Variants in EIF4H observed in about 807,000 individuals in gnomAD.
EIF4H encodes eukaryotic translation initiation factor 4H.
Under a neutral mutation model 30.6 loss-of-function variants are expected in EIF4H, and 8 were observed. That is an observed-to-expected ratio of 0.26 (90% CI 0.15 to 0.47). The LOEUF (loss-of-function observed/expected upper bound fraction) is 0.47. EIF4H is among the 20% of genes least tolerant of loss of function. The pLI, the probability that EIF4H is intolerant of heterozygous loss-of-function variation, is 0.99. For missense variants in EIF4H, 188 were observed against 339.5 expected, an observed-to-expected ratio of 0.55 and a Z score of 3.51; for synonymous variants, 106 against 122.7, an observed-to-expected ratio of 0.86 and a Z score of 0.90.
At chr7:74,187,016 A>G (rs1358850279) in intron 1 of EIF4H, among the ~76,000 whole-genome samples, 1 of 151,814 alleles carries the variant, frequency 6.6e-6, no homozygotes, top group Admixed American at 6.6e-5. Context: ...TAGACTGTCC[A>G]TTTCTGTATT....
rs1554709410 is a variant in EIF4H at position 74,187,837 on chromosome 7, T to C, written c.247+39T>C. 8 of 1,468,414 alleles carry C rather than the reference T, an allele frequency of 5.4e-6. No homozygotes were observed. The South Asian group carries it at 7.4e-5, about 14-fold the overall frequency. The allele number at this position is 1,468,414 out of a possible 1,614,324, so 91.0% of individuals were successfully genotyped here. The stretch of plus-strand genomic sequence containing the variant: ...ATTCTTATTGTATATTACTGTAAAG[T>C]GTAGGGGAGGATGGGAAGGGGTTCT... On this transcript the variant is annotated intron_variant, in intron 2 of 6. Transcript: ENST00000265753.
intron 1 of EIF4H, among the ~76,000 whole-genome samples, chr7:74,184,882 T>C (rs998019763): frequency 3.9e-5 from 6 of 152,144 alleles, no homozygotes; most frequent in African/African-American, 1.2e-4. Flanking sequence ...AGTTTTACCA[T>C]GTTGGCCAGG....
intron 1 of EIF4H, among the ~76,000 whole-genome samples, chr7:74,186,005 A>ATGG (rs1277082385): frequency 6.6e-6 from 1 of 152,188 alleles, no homozygotes; most frequent in Non-Finnish European, 1.5e-5. Context: ...GGTTGAAATA[A>ATGG]TGGTACAGTT....
intron 5 of EIF4H, among the ~76,000 whole-genome samples, chr7:74,190,859 G>A (rs1447016327): frequency 6.6e-6 from 1 of 152,146 alleles, no homozygotes; most frequent in Admixed American, 6.5e-5. Flanking sequence ...CCTGCAGGGT[G>A]ATTTTAAGCA....
intron 2 of EIF4H, among the ~76,000 whole-genome samples, chr7:74,188,128 T>C (rs1276328054): frequency 1.3e-5 from 2 of 152,210 alleles, no homozygotes; most frequent in African/African-American, 4.8e-5. Flanking sequence ...TTAGGCACAT[T>C]CCTCCTGGAA....
At chr7:74,191,191 A>G in intron 5 of EIF4H, 1 of 533,700 alleles carries the variant, frequency 1.9e-6, no homozygotes, top group South Asian at 1.4e-5. Flanking sequence ...AGTTCTTAAA[A>G]GTCCTGTAGC....
At chr7:74,190,167 G>A in intron 4 of EIF4H, 80 bp from the exon 5 acceptor site, 3 of 1,435,848 alleles carry the variant, frequency 2.1e-6, no homozygotes, top group South Asian at 1.2e-5. Context: ...TGAGTTGTAT[G>A]TCTTCCAAAT....
At position 74,194,725 on chromosome 7, in the gene EIF4H, C is replaced by A. The variant is rs782331767; in HGVS notation, c.470-16C>A. 6.4e-7 allele frequency: 1 copy of A among 1,561,006 alleles called. No individual in the cohort carries two copies. Among genetic ancestry groups the A allele is most frequent in the African/African-American group, 1.4e-5 (1 of 73,586 alleles). ...GATAGTTTGAAAAGTAATTCAGTGT[C>A]CTGTTTCTTCCTCAGGCTTCAGGGA... On this transcript the variant is annotated splice_polypyrimidine_tract_variant and intron_variant, in intron 5 of 6. Coordinates refer to ENST00000265753, the MANE Select transcript of EIF4H (RefSeq NM_022170.2).
intron 5 of EIF4H, among the ~76,000 whole-genome samples, chr7:74,193,458 ACTGCGGGCT>A (rs1554710258): frequency 1.3e-5 from 2 of 152,194 alleles, no homozygotes; most frequent in African/African-American, 2.4e-5. Context: ...TATAGTGCAT[ACTGCGGGCT>A]CTGGGGGTTC....
chr7:74,176,852 C>T (rs1554707750), intron 1 of EIF4H, among the ~76,000 whole-genome samples: 1 of 152,210 alleles, frequency 6.6e-6, no homozygotes, highest in African/African-American at 2.4e-5. Flanking sequence ...TGTACCAGAT[C>T]TTGAATGGAC....
Position 74,190,095 on chromosome 7 carries a change from G to A in EIF4H, c.410-152G>A, listed in dbSNP as rs373674262. On this transcript the variant is annotated intron_variant, in intron 4 of 6. Coordinates refer to ENST00000265753, the MANE Select transcript of EIF4H (RefSeq NM_022170.2). ...TGGCTGATGCTTCTGCAAGCCTGGC[G>A]TTTTTTGTTTTCTGTTGGAAGCAAA... 4.4e-5 allele frequency: 49 copies of A among 1,122,156 alleles called. No homozygotes were observed. The Admixed American group carries it at 1.0e-3, about 24-fold the overall frequency. 69.5% of individuals were successfully genotyped at this position (1,122,156 alleles called of 1,614,324 possible).
intron 1 of EIF4H, among the ~76,000 whole-genome samples, chr7:74,177,481 C>G (rs911706811): frequency 6.6e-6 from 1 of 152,114 alleles, no homozygotes; most frequent in Non-Finnish European, 1.5e-5. Context: ...AAACCCTGTC[C>G]CCTTTGAATA....
At chr7:74,184,233 G>T (rs563201841) in intron 1 of EIF4H, among the ~76,000 whole-genome samples, 13 of 152,150 alleles carry the variant, frequency 8.5e-5, no homozygotes, top group Non-Finnish European at 1.8e-4. Context: ...GCAGTGCCCC[G>T]TCATCTTACT....
intron 5 of EIF4H, among the ~76,000 whole-genome samples, chr7:74,193,400 A>T (rs1801268815): frequency 1.3e-5 from 2 of 152,116 alleles, no homozygotes; most frequent in African/African-American, 4.8e-5. Context: ...AATTTTAGCG[A>T]CTGGGTGGAT....
rs782106477 is a variant in EIF4H, at chr7:74,194,782, C to T, written c.511C>T (p.Pro171Ser). 3 of 1,600,278 alleles carry T rather than the reference C, an allele frequency of 1.9e-6. No individual in the cohort carries two copies. Among genetic ancestry groups the T allele is most frequent in the Non-Finnish European group, 1.7e-6 (2 of 1,168,644 alleles). Residue 171 changes from proline (P) to serine (S), a missense_variant, in exon 6 of 7, where the codon CCA becomes TCA. By Grantham distance (74) the Pro-to-Ser change is moderately conservative. Around this residue, in one of 4 missense-constraint regions of EIF4H, gnomAD observed 76 missense variants for 85.8 expected, o/e 0.89. Coordinates refer to ENST00000265753, the MANE Select transcript of EIF4H (RefSeq NM_022170.2). ...CTTAGGGGGCAGGGGAGGTAGTCGC[C>T]CAGGCGACCGGCGAACAGGCCCCCC... The part of the protein sequence containing the change: ...DFLGGRGGSR[P>S]GDRRTGPPMG...
chr7:74,187,761 A>G lies in EIF4H; in HGVS notation c.210A>G (p.Val70=). The change falls in exon 2 of 7, where the codon GTA becomes GTG. Residue 70 remains valine, a synonymous_variant. Transcript: ENST00000265753. ...AIFKDLSIRS[V]RLVRDKDTDK... ...TTAAGGATCTCAGCATAAGGAGTGT[A>G]CGGCTAGTCAGAGACAAAGACACAG... 1 of 1,612,532 alleles carries G rather than the reference A, an allele frequency of 6.2e-7. No individual in the cohort carries two copies. The highest frequency in any genetic ancestry group is 1.3e-5 in the African/African-American group (1 of 75,026).
chr7:74,191,465 C>T (rs1204906074), intron 5 of EIF4H, among the ~76,000 whole-genome samples: 5 of 152,208 alleles, frequency 3.3e-5, no homozygotes, highest in South Asian at 4.1e-4. Flanking sequence ...GGCCTGGCCG[C>T]CACCAGTTCT....
At chr7:74,181,740 G>T (rs1437421214) in intron 1 of EIF4H, among the ~76,000 whole-genome samples, 1 of 135,214 alleles carries the variant, frequency 7.4e-6, no homozygotes. Flanking sequence ...CACCGAGCCC[G>T]GCCTTTTTTT....
At chr7:74,179,367 C>T (rs1800907652) in intron 1 of EIF4H, among the ~76,000 whole-genome samples, 1 of 152,170 alleles carries the variant, frequency 6.6e-6, no homozygotes, top group Admixed American at 6.5e-5. Flanking sequence ...CGCGGTGGCT[C>T]ACTCCTGTAA....
Sources: allele counts gnomAD v4.1 joint callset (sites outside exome capture counted in the v4.1 genomes callset), GRCh38; gene constraint gnomAD v4.1.1; regional missense constraint gnomAD v4.1.1; transcripts MANE v1.5; gene names NCBI Gene and HGNC (gene_info 2026-07-23, HGNC 2026-07-21).